HIP1R: variants seen among roughly 807,000 people sequenced by gnomAD.
HIP1R encodes the protein huntingtin-interacting protein 1-related protein.
In HIP1R, 135 loss-of-function variants were observed where a neutral mutation model predicts 144.2. That is an observed-to-expected ratio of 0.94 (90% CI 0.81 to 1.08). HIP1R has a LOEUF of 1.08. Among genes scored for constraint, HIP1R ranks in the 50% least tolerant of loss-of-function variants. The pLI is 0.00. For missense variants in HIP1R, 1,462 were observed against 1,432.8 expected, an observed-to-expected ratio of 1.02 and a Z score of -0.33; for synonymous variants, 698 against 612.8, an observed-to-expected ratio of 1.14 and a Z score of -2.05.
In HIP1R at chr12:122,849,922, G is replaced by A. The variant is rs2033324326; in HGVS notation, c.405G>A (p.Lys135=). ...GACAGCTGGTGAATGTCTACACCAA[G>A]CTGCTGCTGACCAAGATCTCCTTCC... ...RYGQLVNVYT[K]LLLTKISFHL... The change falls in exon 5 of 32, where the codon AAG becomes AAA. Residue 135 remains lysine, a synonymous_variant. Transcript: ENST00000253083. 7 of 1,613,542 alleles carry A rather than the reference G, an allele frequency of 4.3e-6. No individual in the cohort carries two copies. Among genetic ancestry groups the A allele is most frequent in the African/African-American group, 2.7e-5 (2 of 74,942 alleles).
intron 7 of HIP1R, 91 bp downstream of exon 7, chr12:122,851,388 GACCAA>G: frequency 4.0e-5 from 43 of 1,078,252 alleles, no homozygotes; most frequent in Non-Finnish European, 4.9e-5. Context: ...TGAGTGATCA[GACCAA>G]CTGATCACTA....
intron 1 of HIP1R, among the ~76,000 whole-genome samples, chr12:122,837,346 G>A (rs2032932008): frequency 6.7e-6 from 1 of 149,698 alleles, no homozygotes; most frequent in South Asian, 2.1e-4. Flanking sequence ...TAAAGACAGA[G>A]TCTCTCTCGT....
At chr12:122,856,796 C>T (rs1189998477) in intron 17 of HIP1R, 70 bp downstream of exon 17, 3 of 1,342,460 alleles carry the variant, frequency 2.2e-6, no homozygotes, top group Non-Finnish European at 3.1e-6. Context: ...GGTCCTCTTT[C>T]CCGTGAACAG....
chr12:122,844,321 A>G (rs2033147834), intron 1 of HIP1R, among the ~76,000 whole-genome samples: 1 of 151,820 alleles, frequency 6.6e-6, no homozygotes, highest in African/African-American at 2.4e-5. Context: ...TTTTTGGTAG[A>G]GATGGGGTCT....
chr12:122,860,348 G>C (rs2033731741), intron 26 of HIP1R, 75 bp from the exon 27 acceptor site: 2 of 1,560,876 alleles, frequency 1.3e-6, no homozygotes, highest in Admixed American at 3.4e-5. Flanking sequence ...GAGGGGGAGA[G>C]GGCCCTTGAG....
At position 122,858,419 on chromosome 12, in the gene HIP1R, C is replaced by T; in HGVS notation, c.2034C>T (p.Tyr678=). The change falls in exon 20 of 32, where the codon TAC becomes TAT. Residue 678 remains tyrosine (Y), a synonymous_variant. Transcript: ENST00000253083. ...VSTLEEGHAQ[Y]LTSLADASAL... ...CCCTGGAGGAGGGCCACGCCCAGTACCTGACCTCCTTGGCAGGTGAGTGTA... is the reference window on the plus strand; with the variant it reads ...CCCTGGAGGAGGGCCACGCCCAGTATCTGACCTCCTTGGCAGGTGAGTGTA... 6.2e-7 allele frequency: 1 copy of T among 1,607,552 alleles called. No individual in the cohort carries two copies. Among genetic ancestry groups the T allele is most frequent in the Non-Finnish European group, 8.5e-7 (1 of 1,176,252 alleles).
chr12:122,855,193 A>C (rs1017046874), intron 10 of HIP1R, 65 bp downstream of exon 10: 16 of 1,609,222 alleles, frequency 9.9e-6, no homozygotes, highest in Non-Finnish European at 1.3e-5. Context: ...GGCCCCACAC[A>C]GGCTATGGAG....
chr12:122,838,031 C>G (rs1474684812), intron 1 of HIP1R, among the ~76,000 whole-genome samples: 1 of 150,470 alleles, frequency 6.6e-6, no homozygotes, highest in Admixed American at 6.6e-5. Flanking sequence ...GTGGCAGGAG[C>G]ACTAGGCTGG....
upstream of HIP1R, chr12:122,835,005 T>C: frequency 7.8e-7 from 1 of 1,287,756 alleles, no homozygotes; most frequent in Non-Finnish European, 1.0e-6. Context: ...AGACAAGACT[T>C]AGTGAGTTCG....
Position 122,840,068 on chromosome 12 carries a change from C to T in HIP1R, c.93+4425C>T, listed in dbSNP as rs1406025046. On this transcript the variant is annotated intron_variant, in intron 1 of 31. Transcript: ENST00000253083. The surrounding 1 kb of genome is among the most constrained non-coding windows in gnomAD (Gnocchi z 4.2). ...GTCTCGCCCCGTGACATCCTCTGCT[C>T]GGTTCCACCCCATCAGCCCACATGG... 1.3e-5 allele frequency among the ~76,000 whole-genome samples: 2 copies of T among 152,266 alleles called. No homozygotes were observed. Among genetic ancestry groups the T allele is most frequent in the African/African-American group, 2.4e-5 (1 of 41,474 alleles).
At chr12:122,850,065 C>A in intron 5 of HIP1R, 110 bp downstream of exon 5, 2 of 766,756 alleles carry the variant, frequency 2.6e-6, no homozygotes, top group Non-Finnish European at 4.7e-6. Context: ...CTCCATGAGT[C>A]TTTCCATTCA....
intron 23 of HIP1R, 34 bp from the exon 24 acceptor site, chr12:122,859,738 C>G: frequency 1.9e-6 from 3 of 1,607,412 alleles, no homozygotes; most frequent in Non-Finnish European, 2.6e-6. Flanking sequence ...GTCCCCTCCT[C>G]CCAGCCAGCT....
rs910961046 is a variant in HIP1R at position 122,860,230 on chromosome 12, A to C, written c.2559+20A>C. 41 of 1,546,776 alleles carry C rather than the reference A, an allele frequency of 2.7e-5. No homozygotes were observed. Among genetic ancestry groups the C allele is most frequent in the Non-Finnish European group, 3.5e-5 (40 of 1,147,786 alleles). ...GGCAGGGTGAGGGGCCGGCGGCAGC[A>C]GGGCACAGTCCACAAGGAGCCTGAC... On this transcript the variant is annotated intron_variant, in intron 26 of 31. Coordinates refer to ENST00000253083, the MANE Select transcript of HIP1R (RefSeq NM_003959.3).
chr12:122,855,823 G>C lies in HIP1R; in HGVS notation c.1056-8G>C. 1 of 1,559,706 alleles carries C rather than the reference G, an allele frequency of 6.4e-7. No homozygotes were observed. Among genetic ancestry groups the C allele is most frequent in the Non-Finnish European group, 8.7e-7 (1 of 1,151,056 alleles). On this transcript the variant is annotated splice_region_variant and splice_polypyrimidine_tract_variant and intron_variant, in intron 12 of 31. Transcript: ENST00000253083. ...ACTTAACTTGAACCCCAGGACCTCTGTCCCCAGGGACCTCCAGATTGAGAG... is the reference window on the plus strand; with the variant it reads ...ACTTAACTTGAACCCCAGGACCTCTCTCCCCAGGGACCTCCAGATTGAGAG...
At chr12:122,860,564 T>C (rs1331444965) in intron 27 of HIP1R, 41 bp downstream of exon 27, 1 of 1,584,602 alleles carries the variant, frequency 6.3e-7, no homozygotes, top group South Asian at 1.1e-5. Context: ...GGCTGCTTCC[T>C]GCCAGTTGGA....
Position 122,861,810 on chromosome 12 carries a change from C to T in HIP1R, c.*57C>T, listed in dbSNP as rs1272350550. The T allele has an allele frequency of 1.3e-6, 2 of 1,543,440 alleles. No homozygotes were observed. Among genetic ancestry groups the T allele is most frequent in the African/African-American group, 2.7e-5 (2 of 73,372 alleles). ...ACAGGCCTGGGCCTCTGCAACTGCC[C>T]TGACAGGACCGAGAGGCCTTGCCCC... On this transcript the variant is annotated 3_prime_UTR_variant, in exon 32 of 32. Coordinates refer to ENST00000253083, the MANE Select transcript of HIP1R (RefSeq NM_003959.3).
Position 122,860,463 on chromosome 12 carries a change from G to T in HIP1R, c.2600G>T (p.Arg867Leu). ...CAGGAATTTTACGCCAAGAACTCGC[G>T]CTGGACCGAAGGCCTCATCTCGGCC... ...TQQEFYAKNS[R>L]WTEGLISASK... The change falls in exon 27 of 32, where the codon CGC becomes CTC. Residue 867 changes from arginine (R) to leucine (L), a missense_variant. By Grantham distance (102) the Arg-to-Leu change is moderately radical (BLOSUM62 -2). Around this residue, in one of 2 missense-constraint regions of HIP1R, gnomAD observed 1,112 missense variants for 1,011.7 expected, o/e 1.10. Coordinates refer to ENST00000253083, the MANE Select transcript of HIP1R (RefSeq NM_003959.3). 1.2e-6 allele frequency: 2 copies of T among 1,613,374 alleles called. No homozygotes were observed. Among genetic ancestry groups the T allele is most frequent in the Non-Finnish European group, 1.7e-6 (2 of 1,180,014 alleles).
intron 29 of HIP1R, 34 bp downstream of exon 29, chr12:122,861,073 C>A: frequency 6.2e-7 from 1 of 1,613,556 alleles, no homozygotes; most frequent in Non-Finnish European, 8.5e-7. Flanking sequence ...GCTGCTGGCT[C>A]CCGAGGCTGA....
At chr12:122,856,819 T>G in intron 17 of HIP1R, 93 bp downstream of exon 17, 1 of 1,170,814 alleles carries the variant, frequency 8.5e-7, no homozygotes, top group Non-Finnish European at 1.2e-6. Context: ...CCCACCTGGG[T>G]GCCACTCGGT....
Sources: allele counts gnomAD v4.1 joint callset (sites outside exome capture counted in the v4.1 genomes callset), GRCh38; gene constraint gnomAD v4.1.1; regional missense constraint gnomAD v4.1.1; non-coding constraint Gnocchi (gnomAD v3.1); transcripts MANE v1.5; gene names NCBI Gene and HGNC (gene_info 2026-07-23, HGNC 2026-07-21).